Variants in GFRA1 observed in about 807,000 individuals in gnomAD.
GFRA1 encodes GDNF family receptor alpha-1.
Under a neutral mutation model 51.6 loss-of-function variants are expected in GFRA1, and 16 were observed. That is an observed-to-expected ratio of 0.31 (90% CI 0.21 to 0.47). The LOEUF (loss-of-function observed/expected upper bound fraction) is 0.47. Among genes scored for constraint, GFRA1 ranks in the 20% least tolerant of loss-of-function variants. GFRA1 has a pLI of 1.00. For missense variants in GFRA1, 530 were observed against 594.3 expected, an observed-to-expected ratio of 0.89 and a Z score of 1.13; for synonymous variants, 270 against 241.3, an observed-to-expected ratio of 1.12 and a Z score of -1.10.
intron 6 of GFRA1, among the ~76,000 whole-genome samples, chr10:116,099,344 C>T (rs1025581208): frequency 2.0e-5 from 3 of 152,162 alleles, no homozygotes; most frequent in Non-Finnish European, 2.9e-5. Flanking sequence ...TAAATATTTA[C>T]TGGCACGTCT....
intron 9 of GFRA1, 55 bp downstream of exon 9, chr10:116,089,686 T>A (rs916191312): frequency 6.8e-7 from 1 of 1,471,300 alleles, no homozygotes; most frequent in Admixed American, 1.7e-5. Flanking sequence ...CTGCCCGTGT[T>A]TCACCCCCCC....
rs533165254 is a variant in GFRA1, at chr10:116,099,871, T to C, written c.771-3107A>G. 3.3e-5 allele frequency among the ~76,000 whole-genome samples: 5 copies of C among 152,378 alleles called. No individual in the cohort carries two copies. In the South Asian group the frequency reaches 1.0e-3, roughly 32 times the overall value. ...CATGAATGAAGTGTTCAGTACATGT[T>C]AGGTATATCTTTACAAACTTTTACT... On this transcript the variant is annotated intron_variant, in intron 6 of 10. Transcript: ENST00000355422.
At chr10:116,165,357 C>T (rs185764670) in intron 5 of GFRA1, among the ~76,000 whole-genome samples, 7 of 146,166 alleles carry the variant, frequency 4.8e-5, no homozygotes, top group African/African-American at 1.9e-4. Flanking sequence ...CATTTCTCTC[C>T]TTATAAAACT....
intron 2 of GFRA1, 136 bp from the exon 3 acceptor site, chr10:116,271,251 C>T: frequency 9.3e-6 from 6 of 646,422 alleles, no homozygotes; most frequent in Non-Finnish European, 1.6e-5. Flanking sequence ...AGCGGGTCCA[C>T]CTCTCGACCA....
At chr10:116,122,868 G>A (rs1957704465) in intron 6 of GFRA1, among the ~76,000 whole-genome samples, 1 of 152,170 alleles carries the variant, frequency 6.6e-6, no homozygotes, top group African/African-American at 2.4e-5. Context: ...CAAAAGCCCA[G>A]GTCTCCTGGC....
intron 5 of GFRA1, among the ~76,000 whole-genome samples, chr10:116,170,386 T>C (rs1420724516): frequency 6.6e-6 from 1 of 152,210 alleles, no homozygotes; most frequent in Non-Finnish European, 1.5e-5. Context: ...AAGTTCTCTA[T>C]TGAGATAATT....
At position 116,084,709 on chromosome 10, in the gene GFRA1, T is replaced by C. The variant is rs527792304; in HGVS notation, c.1197+5032A>G. ...ACCAGAGTTAAGCAGTGTACAATGA[T>C]GCAAAATAGAGAATTTTTCTAACGT... On this transcript the variant is annotated intron_variant, in intron 9 of 10. Transcript: ENST00000355422. Among the ~76,000 whole-genome samples, 6 of 151,746 alleles carry C rather than the reference T, an allele frequency of 4.0e-5. No homozygotes were observed. In the East Asian group the frequency reaches 1.2e-3, roughly 30 times the overall value.
intron 5 of GFRA1, among the ~76,000 whole-genome samples, chr10:116,136,009 C>T (rs1424153797): frequency 6.6e-6 from 1 of 151,984 alleles, no homozygotes; most frequent in Non-Finnish European, 1.5e-5. Flanking sequence ...TTTTTCCCCC[C>T]AATCTCAGAT....
chr10:116,267,431 A>G (rs1483321403), intron 4 of GFRA1, among the ~76,000 whole-genome samples: 5 of 152,080 alleles, frequency 3.3e-5, no homozygotes, highest in Non-Finnish European at 7.4e-5. Flanking sequence ...ATGCCACTGC[A>G]CTCCAGCCTG....
intron 4 of GFRA1, among the ~76,000 whole-genome samples, chr10:116,242,222 G>A (rs772859727): frequency 1.3e-5 from 2 of 152,272 alleles, no homozygotes; most frequent in South Asian, 2.1e-4. Context: ...TTGCAGATGC[G>A]CATATTTAGG....
intron 9 of GFRA1, among the ~76,000 whole-genome samples, chr10:116,081,557 C>T (rs1210796394): frequency 6.6e-6 from 1 of 152,158 alleles, no homozygotes; most frequent in Non-Finnish European, 1.5e-5. Context: ...GATCAAGTAT[C>T]TGTGTGCCTC....
chr10:116,174,145 CA>C (rs35365212), intron 5 of GFRA1, among the ~76,000 whole-genome samples: 78,769 of 149,872 alleles, frequency 0.53, 20,821 homozygotes, highest in Middle Eastern at 0.62. Context: ...TAGGCCTTCT[CA>C]AAAAAAAAAA....
At position 116,063,182 on chromosome 10, in the gene GFRA1, G is replaced by GA. The variant is rs1337150129; in HGVS notation, c.*1215dup. The GA allele has an allele frequency of 6.6e-6, 1 of 152,246 alleles. No homozygotes were observed. Among genetic ancestry groups the GA allele is most frequent in the Non-Finnish European group, 1.5e-5 (1 of 68,060 alleles). The allele number at this position is 152,246 out of a possible 1,614,324, so 9.4% of individuals were successfully genotyped here. A position where few individuals can be genotyped will look rare whatever the true frequency, so the allele number is the denominator to read the frequency against. On this transcript the variant is annotated 3_prime_UTR_variant, in exon 11 of 11. Transcript: ENST00000355422. ...CAAAGCTGCCTTTGTCAGATAACCT[G>GA]AAAACCAAGGTACTGGATTGTGTCA...
At chr10:116,082,183 T>C (rs1955879671) in intron 9 of GFRA1, among the ~76,000 whole-genome samples, 2 of 152,178 alleles carry the variant, frequency 1.3e-5, no homozygotes, top group African/African-American at 4.8e-5. Flanking sequence ...CTAGTTCCAC[T>C]CTGGTCACCA....
At chr10:116,163,833 G>T (rs1201387886) in intron 5 of GFRA1, among the ~76,000 whole-genome samples, 1 of 152,224 alleles carries the variant, frequency 6.6e-6, no homozygotes, top group Admixed American at 6.5e-5. Context: ...TCATTGAGGG[G>T]TTCTAACTTG....
intron 5 of GFRA1, among the ~76,000 whole-genome samples, chr10:116,147,463 G>A (rs1958855493): frequency 6.6e-6 from 1 of 151,736 alleles, no homozygotes; most frequent in Non-Finnish European, 1.5e-5. Flanking sequence ...TTTTTTCCTG[G>A]AAGACACTAG....
At chr10:116,102,353 C>T (rs1036265201) in intron 6 of GFRA1, among the ~76,000 whole-genome samples, 4 of 152,172 alleles carry the variant, frequency 2.6e-5, no homozygotes, top group African/African-American at 7.2e-5. Context: ...AAGAGCACAG[C>T]AGGCGCCAGA....
rs11197516 is a variant in GFRA1 at position 116,059,340 on chromosome 10, T to G, written c.*5058A>C. ...CTCCTGGCGCCCTACAGAAGAAAAT[T>G]GGGGATTGGTAAGAAAGCCTAGCCT... On this transcript the variant is annotated 3_prime_UTR_variant, in exon 11 of 11. Transcript: ENST00000355422. The G allele has an allele frequency of 0.16, 23,845 of 151,984 alleles. 2,544 individuals are homozygous for G. Among genetic ancestry groups the G allele is most frequent in the East Asian group, 0.48 (2,471 of 5,124 alleles). 9.4% of individuals were successfully genotyped at this position (151,984 alleles called of 1,614,324 possible).
chr10:116,110,591 T>C (rs1406128700), intron 6 of GFRA1, among the ~76,000 whole-genome samples: 1 of 152,134 alleles, frequency 6.6e-6, no homozygotes, highest in African/African-American at 2.4e-5. Context: ...GCCCAAGGCT[T>C]CCAGGATGGA....
Sources: gnomAD v4.1 joint callset for allele counts (sites outside exome capture counted in the v4.1 genomes callset) on GRCh38, gnomAD v4.1.1 for gene constraint, MANE v1.5 for transcripts, NCBI Gene and HGNC (gene_info 2026-07-23, HGNC 2026-07-21) for gene names.